ANTXR1: variants seen among roughly 807,000 people sequenced by gnomAD.
ANTXR1 encodes the protein anthrax toxin receptor 1.
A neutral mutation model predicts 78.1 loss-of-function variants in ANTXR1; 19 were observed. The ratio of observed to expected loss-of-function variants is 0.24; its 90% CI spans 0.17 to 0.36. The LOEUF is 0.36. Ranked by LOEUF, ANTXR1 falls within the 10% of genes least tolerant of loss-of-function variation. The pLI, the probability that ANTXR1 is intolerant of heterozygous loss-of-function variation, is 1.00. For synonymous variants in ANTXR1, 273 were observed against 260.5 expected, an observed-to-expected ratio of 1.05 and a Z score of -0.46; for missense variants, 518 against 718.6, an observed-to-expected ratio of 0.72 and a Z score of 3.19.
At chr2:69,172,519 C>A in intron 14 of ANTXR1, 1 of 1,431,458 alleles carries the variant, frequency 7.0e-7, no homozygotes, top group African/African-American at 1.4e-5. Context: ...TATTCAAATC[C>A]CAGTGTCTAA....
chr2:69,100,905 G>A (rs1671591485), intron 9 of ANTXR1, among the ~76,000 whole-genome samples: 2 of 152,182 alleles, frequency 1.3e-5, no homozygotes, highest in South Asian at 2.1e-4. Flanking sequence ...CGTAGCAATT[G>A]TGCATTTGCA....
chr2:69,167,745 C>A (rs1236945116), intron 13 of ANTXR1, among the ~76,000 whole-genome samples: 2 of 152,132 alleles, frequency 1.3e-5, no homozygotes, highest in Non-Finnish European at 1.5e-5. Flanking sequence ...GTGCTTAATT[C>A]CTGTTTACCT....
At chr2:69,017,870 C>T (rs955911369) in intron 1 of ANTXR1, among the ~76,000 whole-genome samples, 45 of 152,150 alleles carry the variant, frequency 3.0e-4, no homozygotes, top group Admixed American at 1.2e-3. Context: ...TTGACCAACC[C>T]ACAGACATAA....
chr2:69,150,568 A>G (rs1673365794), intron 12 of ANTXR1, among the ~76,000 whole-genome samples: 1 of 152,210 alleles, frequency 6.6e-6, no homozygotes, highest in South Asian at 2.1e-4. Context: ...TAAAACCACT[A>G]CCAGTAAAAT....
intron 17 of ANTXR1, among the ~76,000 whole-genome samples, chr2:69,234,197 G>A (rs1675697348): frequency 6.6e-6 from 1 of 152,218 alleles, no homozygotes; most frequent in African/African-American, 2.4e-5. Flanking sequence ...AACTATAACA[G>A]TGGAAACTGC....
chr2:69,228,553 A>AT (rs1211578664), intron 17 of ANTXR1, among the ~76,000 whole-genome samples: 1 of 152,194 alleles, frequency 6.6e-6, no homozygotes, highest in Non-Finnish European at 1.5e-5. Context: ...CCATTTCTAC[A>AT]TTTTTGAATC....
chr2:69,085,887 T>G (rs1671034221), intron 8 of ANTXR1, among the ~76,000 whole-genome samples: 1 of 152,216 alleles, frequency 6.6e-6, no homozygotes, highest in African/African-American at 2.4e-5. Flanking sequence ...ACGTTCAGGT[T>G]TTTGTCTTAG....
intron 17 of ANTXR1, among the ~76,000 whole-genome samples, chr2:69,215,876 T>C (rs1452463362): frequency 6.6e-6 from 1 of 152,246 alleles, no homozygotes; most frequent in Non-Finnish European, 1.5e-5. Flanking sequence ...AATCAGATAT[T>C]CTATCAGTTC....
At chr2:69,162,020 T>TGG (rs111372899) in intron 13 of ANTXR1, among the ~76,000 whole-genome samples, 8 of 151,396 alleles carry the variant, frequency 5.3e-5, no homozygotes, top group East Asian at 1.9e-4. Flanking sequence ...TCATCATTTG[T>TGG]GGAAAAAAAA....
intron 8 of ANTXR1, among the ~76,000 whole-genome samples, chr2:69,078,321 G>T (rs1558522285): frequency 6.6e-6 from 1 of 152,208 alleles, no homozygotes; most frequent in Non-Finnish European, 1.5e-5. Context: ...GATCAGGCAG[G>T]CATCTGTGAT....
intron 13 of ANTXR1, among the ~76,000 whole-genome samples, chr2:69,164,444 C>A (rs754173856): frequency 1.3e-5 from 2 of 152,326 alleles, no homozygotes; most frequent in South Asian, 4.1e-4. Context: ...TTATCCCTCC[C>A]TTTTCAGGAA....
intron 17 of ANTXR1, among the ~76,000 whole-genome samples, chr2:69,220,614 T>C (rs971489053): frequency 6.6e-6 from 1 of 152,244 alleles, no homozygotes; most frequent in African/African-American, 2.4e-5. Context: ...AAAGCAAGTA[T>C]GTATATATTG....
At chr2:69,244,969 G>A (rs181421777) in intron 17 of ANTXR1, among the ~76,000 whole-genome samples, 1 of 152,210 alleles carries the variant, frequency 6.6e-6, no homozygotes, top group East Asian at 1.9e-4. Context: ...ACCCAGTTAA[G>A]GTCAGTCTCA....
At chr2:69,147,672 T>C (rs1317543763) in intron 12 of ANTXR1, among the ~76,000 whole-genome samples, 1 of 152,248 alleles carries the variant, frequency 6.6e-6, no homozygotes, top group African/African-American at 2.4e-5. Flanking sequence ...AGTGTGCATG[T>C]TGGGGGTCAA....
In ANTXR1 at chr2:69,247,020, T is replaced by C. The variant is rs1676036597; in HGVS notation, c.*1535T>C. On this transcript the variant is annotated 3_prime_UTR_variant, in exon 18 of 18. Transcript: ENST00000303714. The stretch of plus-strand genomic sequence containing the variant: ...AATACATCAAGCCAGCTTCATTCAC[T>C]CACTTTACTTAGAACAGAGATATAA... 6.6e-6 allele frequency: 1 copy of C among 152,260 alleles called. No individual in the cohort carries two copies. Among genetic ancestry groups the C allele is most frequent in the Non-Finnish European group, 1.5e-5 (1 of 68,052 alleles). 9.4% of individuals were successfully genotyped at this position (152,260 alleles called of 1,614,324 possible). A position where few individuals can be genotyped will look rare whatever the true frequency, so the allele number is the denominator to read the frequency against.
At chr2:69,242,138 C>T (rs1018202532) in intron 17 of ANTXR1, among the ~76,000 whole-genome samples, 5 of 152,118 alleles carry the variant, frequency 3.3e-5, no homozygotes, top group African/African-American at 1.2e-4. Flanking sequence ...TAGGGTGTTA[C>T]TGACCAGAGG....
At chr2:69,095,346 C>T (rs756280012) in intron 9 of ANTXR1, among the ~76,000 whole-genome samples, 2 of 152,174 alleles carry the variant, frequency 1.3e-5, no homozygotes, top group African/African-American at 2.4e-5. Flanking sequence ...AATCCACCCA[C>T]ACCCCTATGA....
intron 13 of ANTXR1, 86 bp downstream of exon 13, chr2:69,152,350 A>T: frequency 7.3e-7 from 1 of 1,363,914 alleles, no homozygotes; most frequent in Non-Finnish European, 1.0e-6. Flanking sequence ...GATTTTTAAA[A>T]AACTAAAGAT....
At chr2:69,029,168 G>A (rs1290623586) in intron 1 of ANTXR1, among the ~76,000 whole-genome samples, 1 of 151,978 alleles carries the variant, frequency 6.6e-6, no homozygotes, top group African/African-American at 2.4e-5. Flanking sequence ...GGCAGAGATT[G>A]CAGTGAGCCA....
Sources: gnomAD v4.1 joint callset for allele counts (sites outside exome capture counted in the v4.1 genomes callset) on GRCh38, gnomAD v4.1.1 for gene constraint, MANE v1.5 for transcripts, NCBI Gene and HGNC (gene_info 2026-07-23, HGNC 2026-07-21) for gene names.